Variants in FAM78B observed in about 807,000 individuals in gnomAD.
FAM78B encodes family with sequence similarity 78 member B, also known as protein FAM78B.
In FAM78B, 10 loss-of-function variants were observed where a neutral mutation model predicts 20.0. The observed-to-expected ratio is 0.50, with a 90% CI of 0.31 to 0.85. The LOEUF (loss-of-function observed/expected upper bound fraction) is 0.85. FAM78B is among the 40% of genes least tolerant of loss of function. FAM78B has a pLI of 0.05. For synonymous variants in FAM78B, 135 were observed against 132.8 expected (o/e 1.02, Z -0.12); for missense variants, 283 against 345.0 (o/e 0.82, Z 1.42).
chr1:166,104,621 C>A (rs887001799), intron 1 of FAM78B, among the ~76,000 whole-genome samples: 7 of 152,072 alleles, frequency 4.6e-5, no homozygotes, highest in Non-Finnish European at 7.4e-5. Flanking sequence ...CAAAGAGAAT[C>A]AAATAGCTAG....
chr1:166,101,683 A>G lies in FAM78B; in HGVS notation c.264-30920T>C, dbSNP rs1227468546. 3.3e-5 allele frequency among the ~76,000 whole-genome samples: 5 copies of G among 152,316 alleles called. No homozygotes were observed. The East Asian group carries it at 5.8e-4, about 18-fold the overall frequency. ...AAAAAAGAATAAAAAGAAACGAACA[A>G]AGCCTCCAAGAAATATGGGACTATG... On this transcript the variant is annotated intron_variant, in intron 1 of 1. Coordinates refer to ENST00000354422, the MANE Select transcript of FAM78B (RefSeq NM_001017961.5).
intron 1 of FAM78B, among the ~76,000 whole-genome samples, chr1:166,104,832 T>G (rs1169902145): frequency 5.9e-5 from 9 of 152,210 alleles, no homozygotes; most frequent in African/African-American, 1.9e-4. Flanking sequence ...AATGACTTTC[T>G]TCACAGAATT....
chr1:166,096,666 C>T (rs1653287762), intron 1 of FAM78B, among the ~76,000 whole-genome samples: 1 of 152,152 alleles, frequency 6.6e-6, no homozygotes, highest in Admixed American at 6.5e-5. Context: ...GTGAGAGAGG[C>T]CTGCCTCAAT....
chr1:166,107,650 G>A (rs1653839993), intron 1 of FAM78B, among the ~76,000 whole-genome samples: 1 of 152,090 alleles, frequency 6.6e-6, no homozygotes, highest in Non-Finnish European at 1.5e-5. Context: ...TATGAAGCCA[G>A]TATCACCCTA....
intron 1 of FAM78B, among the ~76,000 whole-genome samples, chr1:166,145,220 C>A (rs1655413661): frequency 6.6e-6 from 1 of 152,240 alleles, no homozygotes; most frequent in Admixed American, 6.5e-5. Flanking sequence ...CTGCAGGAAT[C>A]ACCATCCCTG....
intron 1 of FAM78B, among the ~76,000 whole-genome samples, chr1:166,085,607 G>C (rs1428679497): frequency 6.6e-6 from 1 of 152,176 alleles, no homozygotes; most frequent in Non-Finnish European, 1.5e-5. Context: ...AGGTCTGCTG[G>C]GCACAGCGTG....
intron 1 of FAM78B, among the ~76,000 whole-genome samples, chr1:166,117,700 C>G (rs1654311343): frequency 6.6e-6 from 1 of 152,200 alleles, no homozygotes; most frequent in African/African-American, 2.4e-5. Context: ...TCTCACTGGT[C>G]TGAAAGAATG....
intron 1 of FAM78B, among the ~76,000 whole-genome samples, chr1:166,134,046 CCCT>C (rs1654980225): frequency 6.6e-6 from 1 of 152,192 alleles, no homozygotes; most frequent in South Asian, 2.1e-4. Flanking sequence ...CCCACTACCT[CCCT>C]CCTCAGGTTC....
chr1:166,165,587 GCACTC>G (rs962773515), intron 1 of FAM78B, among the ~76,000 whole-genome samples: 3 of 152,086 alleles, frequency 2.0e-5, no homozygotes, highest in Admixed American at 6.5e-5. Flanking sequence ...TGCGCCCCCG[GCACTC>G]CACTCCACTC....
At chr1:166,075,708 C>T (rs1652243646) in intron 1 of FAM78B, among the ~76,000 whole-genome samples, 1 of 152,160 alleles carries the variant, frequency 6.6e-6, no homozygotes, top group Admixed American at 6.5e-5. Flanking sequence ...ATCTTTCAAC[C>T]TTTTAACATT....
Position 166,070,552 on chromosome 1 carries a change from G to A in FAM78B, c.475C>T (p.Leu159=). 1.2e-6 allele frequency: 2 copies of A among 1,613,964 alleles called. No homozygotes were observed. The highest frequency in any genetic ancestry group is 1.7e-6 in the Non-Finnish European group (2 of 1,179,968). Residue 159 remains leucine, a synonymous_variant, in exon 2 of 2, where the codon CTG becomes TTG. Transcript: ENST00000354422. ...AVPVSDSNVP[L]LTRIKRDQSF... ...TGGTCTCTCTTGATTCTTGTGAGCA[G>A]TGGCACATTGCTGTCACTCACAGGC...
At chr1:166,100,916 T>C (rs1330690638) in intron 1 of FAM78B, among the ~76,000 whole-genome samples, 2 of 152,212 alleles carry the variant, frequency 1.3e-5, no homozygotes, top group Non-Finnish European at 1.5e-5. Context: ...CCTAACCCCC[T>C]GAGTAGCCTA....
intron 1 of FAM78B, among the ~76,000 whole-genome samples, chr1:166,165,667 C>G (rs1476375638): frequency 1.3e-5 from 2 of 152,152 alleles, no homozygotes; most frequent in Non-Finnish European, 2.9e-5. Context: ...CCCTGAAACT[C>G]GCCAGGCACT....
intron 1 of FAM78B, among the ~76,000 whole-genome samples, chr1:166,071,132 T>C (rs1292797207): frequency 1.3e-5 from 2 of 152,104 alleles, no homozygotes; most frequent in African/African-American, 2.4e-5. Context: ...GTGAATAAGG[T>C]TTGCTTTTTG....
chr1:166,101,143 A>G (rs1653498019), intron 1 of FAM78B, among the ~76,000 whole-genome samples: 1 of 152,228 alleles, frequency 6.6e-6, no homozygotes, highest in South Asian at 2.1e-4. Context: ...CGACTGTTAG[A>G]AGGAAAACTA....
chr1:166,142,353 C>A lies in FAM78B; in HGVS notation c.263+23633G>T, dbSNP rs1655309953. Among the ~76,000 whole-genome samples the A allele has an allele frequency of 3.3e-5, 5 of 152,142 alleles. No homozygotes were observed. The South Asian group carries it at 1.0e-3, about 32-fold the overall frequency. On this transcript the variant is annotated intron_variant, in intron 1 of 1. Coordinates refer to ENST00000354422, the MANE Select transcript of FAM78B (RefSeq NM_001017961.5). Reference sequence around the variant, plus strand: ...CCTAAGTCTTCTGGGTGACAGCTACCACCCAGGCCTGGGAAGACTGCACAG... The same window carrying A: ...CCTAAGTCTTCTGGGTGACAGCTACAACCCAGGCCTGGGAAGACTGCACAG...
At chr1:166,087,813 A>G (rs1652893488) in intron 1 of FAM78B, among the ~76,000 whole-genome samples, 1 of 152,148 alleles carries the variant, frequency 6.6e-6, no homozygotes, top group African/African-American at 2.4e-5. Flanking sequence ...GGCATCTAAG[A>G]CAGTATGTGG....
At chr1:166,073,240 A>C (rs555538408) in intron 1 of FAM78B, among the ~76,000 whole-genome samples, 6 of 152,174 alleles carry the variant, frequency 3.9e-5, no homozygotes, top group Admixed American at 6.5e-5. Flanking sequence ...TGGAGGTTAC[A>C]CTTTAGTTCC....
intron 1 of FAM78B, among the ~76,000 whole-genome samples, chr1:166,163,739 T>C (rs1656248241): frequency 6.6e-6 from 1 of 152,228 alleles, no homozygotes; most frequent in South Asian, 2.1e-4. Context: ...TCATTCAAAT[T>C]TGGGCTCCAA....
Sources: allele counts gnomAD v4.1 joint callset (sites outside exome capture counted in the v4.1 genomes callset), GRCh38; gene constraint gnomAD v4.1.1; transcripts MANE v1.5; gene names NCBI Gene and HGNC (gene_info 2026-07-23, HGNC 2026-07-21).